The following NFKBIZ variants were observed in gnomAD, a reference collection of about 807,000 sequenced individuals.
NFKBIZ encodes NFKB inhibitor zeta.
Under a neutral mutation model 76.8 loss-of-function variants are expected in NFKBIZ, and 19 were observed. The ratio of observed to expected loss-of-function variants is 0.25; its 90% CI spans 0.17 to 0.36. The LOEUF (loss-of-function observed/expected upper bound fraction) is 0.36. NFKBIZ is among the 10% of genes least tolerant of loss of function. NFKBIZ has a pLI of 1.00. For missense variants in NFKBIZ, 829 were observed against 910.9 expected, an observed-to-expected ratio of 0.91 and a Z score of 1.16; for synonymous variants, 368 against 354.8, an observed-to-expected ratio of 1.04 and a Z score of -0.42.
intron 11 of NFKBIZ, 122 bp downstream of exon 11, chr3:101,857,581 G>A: frequency 4.0e-6 from 6 of 1,489,078 alleles, no homozygotes; most frequent in Non-Finnish European, 5.3e-6. Flanking sequence ...ATCAGTGTCT[G>A]TGTCTCACGG....
intron 1 of NFKBIZ, 121 bp downstream of exon 1, chr3:101,850,038 T>C: frequency 1.0e-6 from 1 of 972,740 alleles, no homozygotes; most frequent in Non-Finnish European, 1.4e-6. Context: ...GTACGCACCT[T>C]AGCCATCAAT....
At chr3:101,854,240 GC>G (rs1272901434) in intron 5 of NFKBIZ, among the ~76,000 whole-genome samples, 4 of 152,122 alleles carry the variant, frequency 2.6e-5, no homozygotes, top group Admixed American at 2.6e-4. Context: ...GTGGCCTTGG[GC>G]AAGTTATTTA....
At chr3:101,856,518 A>G (rs1943052330) in intron 9 of NFKBIZ, among the ~76,000 whole-genome samples, 1 of 50,690 alleles carries the variant, frequency 2.0e-5, no homozygotes, top group South Asian at 6.7e-4. Context: ...ATACACTGAG[A>G]ATAAAGGTGC....
rs1224143831 is a variant in NFKBIZ at position 101,855,829 on chromosome 3, T to C, written c.1751T>C (p.Leu584Pro). 1 of 1,614,084 alleles carries C rather than the reference T, an allele frequency of 6.2e-7. No homozygotes were observed. The highest frequency in any genetic ancestry group is 1.1e-5 in the South Asian group (1 of 91,078). ...CCTCATTCACCTGAAGTTCAGGAGCTTTTACTGAAGAATAAGAGTCTGGTT... is the reference window on the plus strand; with the variant it reads ...CCTCATTCACCTGAAGTTCAGGAGCCTTTACTGAAGAATAAGAGTCTGGTT... ...QQPHSPEVQE[L>P]LLKNKSLVDT... Residue 584 changes from leucine (L) to proline (P), a missense_variant, in exon 9 of 12, where the codon CTT (leucine) becomes CCT (proline). By Grantham distance (98) the Leu-to-Pro change is moderately conservative (BLOSUM62 -3). This residue lies in a region of NFKBIZ where 272 missense variants were observed against 384.2 expected (regional missense o/e 0.71). Transcript: ENST00000326172.
chr3:101,849,710 A>G lies in NFKBIZ; in HGVS notation c.82A>G (p.Ser28Gly). The change falls in exon 1 of 12, where the codon AGC becomes GGC. Residue 28 changes from serine (S) to glycine (G), a missense_variant. Ser to Gly is a moderately conservative substitution (Grantham distance 56, BLOSUM62 0). Around this residue, in one of 4 missense-constraint regions of NFKBIZ, gnomAD observed 181 missense variants for 175.3 expected, o/e 1.03. Coordinates refer to ENST00000326172, the MANE Select transcript of NFKBIZ (RefSeq NM_031419.4). ...DAAGGCGLMTSPLNLSYFYGA... is the reference protein window; with the variant it reads ...DAAGGCGLMTGPLNLSYFYGA... ...GGCGGGCGGCTGCGGCCTCATGACC[A>G]GCCCGCTCAACCTGAGCTACTTCTA... The G allele has an allele frequency of 7.0e-7, 1 of 1,433,168 alleles. No individual in the cohort carries two copies. Among genetic ancestry groups the G allele is most frequent in the Non-Finnish European group, 9.1e-7 (1 of 1,099,122 alleles). 88.8% of individuals were successfully genotyped at this position (1,433,168 alleles called of 1,614,324 possible). A position where few individuals can be genotyped will look rare whatever the true frequency, so the allele number is the denominator to read the frequency against.
At chr3:101,852,644 G>T in intron 2 of NFKBIZ, 94 bp from the exon 3 acceptor site, 1 of 794,776 alleles carries the variant, frequency 1.3e-6, no homozygotes. Context: ...TTTATGGTAA[G>T]CTATAAAGGG....
chr3:101,831,029 A>T (rs1942640362), intron 2 of NFKBIZ, among the ~76,000 whole-genome samples: 1 of 152,254 alleles, frequency 6.6e-6, no homozygotes, highest in South Asian at 2.1e-4. Context: ...ATTTAGCAAC[A>T]TGCAGGCACT....
chr3:101,857,609 T>C, intron 11 of NFKBIZ, 150 bp downstream of exon 11: 1 of 1,446,958 alleles, frequency 6.9e-7, no homozygotes, highest in African/African-American at 1.4e-5. Flanking sequence ...CATAGCATTG[T>C]GGAGTTACTC....
chr3:101,830,747 C>T (rs536961266), intron 2 of NFKBIZ, among the ~76,000 whole-genome samples: 2 of 152,114 alleles, frequency 1.3e-5, no homozygotes, highest in African/African-American at 4.8e-5. Flanking sequence ...TAGGTTGATT[C>T]CATGTCTTTG....
chr3:101,857,236 C>G (rs879610895), intron 10 of NFKBIZ, 53 bp downstream of exon 10: 20 of 1,611,778 alleles, frequency 1.2e-5, no homozygotes, highest in Non-Finnish European at 1.6e-5. Flanking sequence ...TTTTTGAGCT[C>G]CTTTCATGAA....
rs1560088175 is a variant in NFKBIZ, at chr3:101,853,363, A to C, written c.837A>C (p.Gln279His). ...CQPFQVRGSQ[Q>H]MIDQASLYQY... ...CATTCCAAGTCAGGGGCTCCCAACAAATGATAGACCAGGCTTCCCTGTACC... is the reference window on the plus strand; with the variant it reads ...CATTCCAAGTCAGGGGCTCCCAACACATGATAGACCAGGCTTCCCTGTACC... The change falls in exon 5 of 12, where the codon CAA becomes CAC. Residue 279 changes from glutamine to histidine, a missense_variant. Coordinates refer to ENST00000326172, the MANE Select transcript of NFKBIZ (RefSeq NM_031419.4). The C allele has an allele frequency of 3.1e-6, 5 of 1,614,058 alleles. No homozygotes were observed. The highest frequency in any genetic ancestry group is 3.3e-4 in the Middle Eastern group (2 of 6,062).
Position 101,849,663 on chromosome 3 carries a change from GC to G in NFKBIZ, c.36del (p.Gly13GlufsTer14), listed in dbSNP as rs1464029001. 7.1e-7 allele frequency: 1 copy of G among 1,400,914 alleles called. No individual in the cohort carries two copies. Among genetic ancestry groups the G allele is most frequent in the Non-Finnish European group, 9.2e-7 (1 of 1,086,588 alleles). The allele number at this position is 1,400,914 out of a possible 1,614,324, so 86.8% of individuals were successfully genotyped here. A position where few individuals can be genotyped will look rare whatever the true frequency, so the allele number is the denominator to read the frequency against. On this transcript the variant is annotated frameshift_variant, in exon 1 of 12. Coordinates refer to ENST00000326172, the MANE Select transcript of NFKBIZ (RefSeq NM_031419.4). LOFTEE classifies it high-confidence loss of function. ...IVDKLLDDSR[G>X]GEGLRDAAGG... ...GACAAGCTGCTGGACGACAGCCGCG[GC>G]GGAGAGGGGCTGCGGGACGCGGCGG...
At chr3:101,839,312 G>A (rs2107400047) in intron 2 of NFKBIZ, among the ~76,000 whole-genome samples, 1 of 152,112 alleles carries the variant, frequency 6.6e-6, no homozygotes, top group South Asian at 2.1e-4. Context: ...GGCATATAAG[G>A]CATTCATGCC....
chr3:101,858,654 C>G (rs968966722), intron 11 of NFKBIZ, among the ~76,000 whole-genome samples: 1 of 152,170 alleles, frequency 6.6e-6, no homozygotes, highest in African/African-American at 2.4e-5. Flanking sequence ...GTGTTTCCTT[C>G]TAGCAGCTAT....
upstream of NFKBIZ, among the ~76,000 whole-genome samples, chr3:101,848,601 T>C (rs1942887563): frequency 6.6e-6 from 1 of 152,262 alleles, no homozygotes; most frequent in Non-Finnish European, 1.5e-5. Flanking sequence ...CTAGTTGGAC[T>C]TGAACAAATA....
At chr3:101,835,699 T>G (rs1477282102) in intron 2 of NFKBIZ, among the ~76,000 whole-genome samples, 1 of 152,172 alleles carries the variant, frequency 6.6e-6, no homozygotes, top group African/African-American at 2.4e-5. Flanking sequence ...TTACACTCTT[T>G]AAAGGCCCCA....
rs113983483 is a variant in NFKBIZ, at chr3:101,854,500, GA to G, written c.1338-77del. The G allele has an allele frequency of 8.5e-6, 7 of 824,694 alleles. No individual in the cohort carries two copies. The East Asian group carries it at 1.1e-4, about 12-fold the overall frequency. 51.1% of individuals were successfully genotyped at this position (824,694 alleles called of 1,614,324 possible). ...ATATATAAAAAGGGGGCTAAAGGAAGATTTTTTTTTTTTTTTCAAAAGAACA... is the reference window on the plus strand; with the variant it reads ...ATATATAAAAAGGGGGCTAAAGGAAGTTTTTTTTTTTTTTTCAAAAGAACA... On this transcript the variant is annotated intron_variant, in intron 5 of 11. Coordinates refer to ENST00000326172, the MANE Select transcript of NFKBIZ (RefSeq NM_031419.4).
chr3:101,849,512 C>T (rs1488360896), upstream of NFKBIZ: 13 of 885,412 alleles, frequency 1.5e-5, no homozygotes, highest in Admixed American at 8.8e-5. Context: ...CGCGCCGCGC[C>T]CGTACTGGCC....
intron 11 of NFKBIZ, among the ~76,000 whole-genome samples, chr3:101,858,932 T>C (rs1943094704): frequency 1.3e-5 from 2 of 152,238 alleles, no homozygotes. Flanking sequence ...TAGTTGAGGC[T>C]GACTTCAAGA....
Sources: allele counts gnomAD v4.1 joint callset (sites outside exome capture counted in the v4.1 genomes callset), GRCh38; gene constraint gnomAD v4.1.1; regional missense constraint gnomAD v4.1.1; transcripts MANE v1.5; gene names NCBI Gene and HGNC (gene_info 2026-07-23, HGNC 2026-07-21).